The following ITSN2 variants were observed in gnomAD, a reference collection of about 807,000 sequenced individuals.
ITSN2 encodes intersectin 2.
A neutral mutation model predicts 243.7 loss-of-function variants in ITSN2; 156 were observed. The ratio of observed to expected loss-of-function variants is 0.64; its 90% CI spans 0.56 to 0.73. The LOEUF is 0.73. Ranked by LOEUF, ITSN2 falls within the 30% of genes least tolerant of loss-of-function variation. ITSN2 has a pLI of 0.00. For missense variants in ITSN2, 1,801 were observed against 1,996.1 expected, an observed-to-expected ratio of 0.90 and a Z score of 1.86; for synonymous variants, 703 against 699.9, an observed-to-expected ratio of 1.00 and a Z score of -0.07.
chr2:24,265,248 T>A (rs1264939189), intron 20 of ITSN2, among the ~76,000 whole-genome samples: 4 of 152,262 alleles, frequency 2.6e-5, no homozygotes, highest in African/African-American at 7.2e-5. Context: ...ACACTATATA[T>A]CTTTCCATTT....
chr2:24,278,918 C>G (rs1678397883), intron 17 of ITSN2, among the ~76,000 whole-genome samples: 1 of 152,162 alleles, frequency 6.6e-6, no homozygotes. Flanking sequence ...TCCCAAAGGG[C>G]TGGGATTGCA....
chr2:24,350,210 T>A (rs2151938768), intron 1 of ITSN2, among the ~76,000 whole-genome samples: 2 of 152,266 alleles, frequency 1.3e-5, no homozygotes, highest in South Asian at 4.2e-4. Flanking sequence ...TGGTTCATGA[T>A]CCATTAGGAA....
At chr2:24,247,979 T>C (rs961426685) in intron 27 of ITSN2, among the ~76,000 whole-genome samples, 29 of 152,218 alleles carry the variant, frequency 1.9e-4, no homozygotes, top group African/African-American at 6.3e-4. Context: ...AATGAAGCTA[T>C]GTTTATCCTC....
In ITSN2 at chr2:24,312,218, G is replaced by A. The variant is rs757838248; in HGVS notation, c.346C>T (p.Arg116Cys). Reference sequence around the variant, plus strand: ...TAAATTAATACATACTTACCAAAACGAGCAGAAATTAATGGAGAAAACATA... The same window carrying A: ...TAAATTAATACATACTTACCAAAACAAGCAGAAATTAATGGAGAAAACATA... ...PPMFSPLISA[R>C]FGMGSMPNLS... Residue 116 changes from arginine (R) to cysteine (C), a missense_variant, in exon 5 of 40, where the codon CGT (arginine) becomes TGT (cysteine). This residue lies in a region of ITSN2 where 787 missense variants were observed against 803.9 expected (regional missense o/e 0.98). Transcript: ENST00000355123. The A allele has an allele frequency of 1.7e-5, 28 of 1,604,480 alleles. No homozygotes were observed. The highest frequency in any genetic ancestry group is 1.0e-4 in the Admixed American group (6 of 59,018).
chr2:24,231,245 C>G (rs555049977), intron 29 of ITSN2, among the ~76,000 whole-genome samples: 66 of 152,264 alleles, frequency 4.3e-4, no homozygotes, highest in African/African-American at 1.6e-3. Flanking sequence ...CTGTTTTAGC[C>G]TACTCAAACA....
At chr2:24,293,472 A>G (rs1680538129) in intron 15 of ITSN2, 2 of 324,988 alleles carry the variant, frequency 6.2e-6, no homozygotes, top group East Asian at 1.3e-4. Flanking sequence ...ATGAAGTCAT[A>G]CCACAATCAT....
In ITSN2 at chr2:24,203,895, T is replaced by A. The variant is rs189854077; in HGVS notation, c.4937-112A>T. ...ACCTTCAAATCTGAAACAAGGAACT[T>A]CTTTTGGCTCATGGCTGTTGAATGT... On this transcript the variant is annotated intron_variant, in intron 39 of 39. Coordinates refer to ENST00000355123, the MANE Select transcript of ITSN2 (RefSeq NM_006277.3). 256 of 1,169,952 alleles carry A rather than the reference T, an allele frequency of 2.2e-4. 1 individual carries two copies. In the African/African-American group the frequency reaches 3.7e-3, roughly 17 times the overall value. 72.5% of individuals were successfully genotyped at this position (1,169,952 alleles called of 1,614,324 possible). A position where few individuals can be genotyped will look rare whatever the true frequency, so the allele number is the denominator to read the frequency against.
chr2:24,295,557 C>T (rs1680848159), intron 14 of ITSN2, 107 bp downstream of exon 14: 1 of 810,014 alleles, frequency 1.2e-6, no homozygotes, highest in East Asian at 3.0e-5. Flanking sequence ...GATCCACCCG[C>T]CTCAGCCTCC....
intron 12 of ITSN2, 127 bp from the exon 13 acceptor site, chr2:24,298,941 T>C: frequency 1.5e-6 from 1 of 674,848 alleles, no homozygotes. Flanking sequence ...TAAGGGTAGC[T>C]AGGCAAATCT....
intron 20 of ITSN2, among the ~76,000 whole-genome samples, chr2:24,270,133 CAAG>C (rs1677166531): frequency 6.6e-6 from 1 of 152,248 alleles, no homozygotes; most frequent in Middle Eastern, 3.4e-3. Context: ...ATTAGTTTAA[CAAG>C]AAGAAAACAG....
At chr2:24,283,469 G>A (rs566017766) in intron 17 of ITSN2, among the ~76,000 whole-genome samples, 10 of 152,202 alleles carry the variant, frequency 6.6e-5, no homozygotes, top group African/African-American at 2.4e-4. Flanking sequence ...CAGGTGATCC[G>A]CCCGCCTCGG....
chr2:24,354,620 G>C lies in ITSN2; in HGVS notation c.-34+5684C>G, dbSNP rs537000987. The stretch of plus-strand genomic sequence containing the variant: ...CACACATAAGGAAACAGAAGCTGAA[G>C]AGAATTAAAGTAACTTGCCCAAGAT... On this transcript the variant is annotated intron_variant, in intron 1 of 39. Transcript: ENST00000355123. 1.9e-3 allele frequency among the ~76,000 whole-genome samples: 296 copies of C among 152,296 alleles called. 3 individuals are homozygous for C. The highest frequency in any genetic ancestry group is 7.1e-3 in the African/African-American group (294 of 41,550).
Position 24,275,860 on chromosome 2 carries a change from A to T in ITSN2, c.1945-11T>A. 1.3e-6 allele frequency: 2 copies of T among 1,580,150 alleles called. No homozygotes were observed. Among genetic ancestry groups the T allele is most frequent in the Non-Finnish European group, 1.7e-6 (2 of 1,163,586 alleles). On this transcript the variant is annotated splice_polypyrimidine_tract_variant and intron_variant, in intron 17 of 39. Transcript: ENST00000355123. ...GGTTTCTCTCAGTTCCTAAGGAGAA[A>T]AAGAAAATAAGTCAATACGTGAATG...
intron 1 of ITSN2, among the ~76,000 whole-genome samples, chr2:24,340,777 A>G (rs7597919): frequency 0.56 from 85,840 of 151,958 alleles, 25,132 homozygotes; most frequent in East Asian, 0.74. Context: ...CACATATAGT[A>G]TATGTTCTAG....
At chr2:24,226,271 C>G (rs1478170105) in intron 29 of ITSN2, among the ~76,000 whole-genome samples, 1 of 152,172 alleles carries the variant, frequency 6.6e-6, no homozygotes, top group Non-Finnish European at 1.5e-5. Context: ...AAAAGCCAAT[C>G]CTGCAGGCTG....
chr2:24,209,086 T>C lies in ITSN2; in HGVS notation c.4595+14A>G, dbSNP rs1390646340. On this transcript the variant is annotated intron_variant, in intron 36 of 39. Coordinates refer to ENST00000355123, the MANE Select transcript of ITSN2 (RefSeq NM_006277.3). ...CCCAGAGTTCAAGGCAGGCCACACA[T>C]GGTCAGGACTGACCTCTCATTAATG... 3.7e-6 allele frequency: 6 copies of C among 1,612,986 alleles called. No homozygotes were observed. The highest frequency in any genetic ancestry group is 4.5e-5 in the East Asian group (2 of 44,856).
At chr2:24,357,962 T>C (rs1174881805) in intron 1 of ITSN2, among the ~76,000 whole-genome samples, 1 of 152,250 alleles carries the variant, frequency 6.6e-6, no homozygotes, top group East Asian at 1.9e-4. Context: ...TCGCCTAGGC[T>C]GGAGTGCAGT....
chr2:24,206,536 T>C (rs1159620136), intron 37 of ITSN2, among the ~76,000 whole-genome samples: 2 of 137,534 alleles, frequency 1.5e-5, no homozygotes, highest in East Asian at 4.7e-4. Flanking sequence ...TGGAGAAGAA[T>C]GTGGGAGCTC....
At position 24,216,148 on chromosome 2, in the gene ITSN2, G is replaced by T. The variant is rs143966576; in HGVS notation, c.3891C>A (p.His1297Gln). 6.2e-7 allele frequency: 1 copy of T among 1,613,066 alleles called. No homozygotes were observed. The highest frequency in any genetic ancestry group is 2.2e-5 in the East Asian group (1 of 44,722). The change falls in exon 32 of 40, where the codon CAC (histidine) becomes CAA (glutamine). Residue 1297 changes from histidine to glutamine, a missense_variant. By Grantham distance (24) the His-to-Gln change is conservative (BLOSUM62 0). This residue lies in a region of ITSN2 where 928 missense variants were observed against 1,065.4 expected (regional missense o/e 0.87). Transcript: ENST00000355123. ...TGCAGAACCTGATGTAAGCCTGCAT[G>T]TGGGACAGCTCAGCGGCCAGGATGT... is the stretch of plus-strand genomic sequence containing the variant. ...IGDILAAELS[H>Q]MQAYIRFCSC...
Sources: gnomAD v4.1 joint callset for allele counts (sites outside exome capture counted in the v4.1 genomes callset) on GRCh38, gnomAD v4.1.1 for gene constraint, gnomAD v4.1.1 regional missense constraint, MANE v1.5 for transcripts, NCBI Gene and HGNC (gene_info 2026-07-23, HGNC 2026-07-21) for gene names.